The following TTN variants were observed in gnomAD, a reference collection of about 807,000 sequenced individuals.
TTN encodes titin.
In TTN, 1,525 loss-of-function variants were observed where a neutral mutation model predicts 3,223.0. That is an observed-to-expected ratio of 0.47 (90% confidence interval 0.45 to 0.49). The LOEUF (loss-of-function observed/expected upper bound fraction) is 0.49. TTN is among the 20% of genes least tolerant of loss of function. The pLI is 0.00. For missense variants in TTN, 40,786 were observed against 43,424.0 expected (o/e 0.94, Z 5.40); for synonymous variants, 14,094 against 15,161.0 (o/e 0.93, Z 5.17).
At position 178,571,873 on chromosome 2, in the gene TTN, A is replaced by T; in HGVS notation, c.74259T>A (p.Asn24753Lys). The change falls in exon 326 of 363, where the codon AAT (asparagine) becomes AAA (lysine). Residue 24753 changes from asparagine (N) to lysine (K), a missense_variant. By Grantham distance (94) the Asn-to-Lys change is moderately conservative. Transcript: ENST00000589042. ...PTPAVTWHKDNVPLKQTTRVN... is the reference protein window; with the variant it reads ...PTPAVTWHKDKVPLKQTTRVN... ...CTCTAGTTGTCTGCTTCAGTGGTAC[A>T]TTATCTTTATGCCAGGTTACAGCTG... The T allele has an allele frequency of 6.2e-7, 1 of 1,613,460 alleles. No homozygotes were observed. The highest frequency in any genetic ancestry group is 8.5e-7 in the Non-Finnish European group (1 of 1,179,590).
In TTN at chr2:178,722,904, A is replaced by T. The variant is rs369522109; in HGVS notation, c.21995T>A (p.Leu7332Gln). ...AACCGAATCTCCAACTGCTGCCTCC[A>T]GAGGTTCCAGTTCCGTAACAAAATA... ...PPYFVTELEP[L>Q]EAAVGDSVSL... is the part of the protein sequence containing the mutation. The change falls in exon 76 of 363, where the codon CTG becomes CAG. Residue 7332 changes from leucine to glutamine, a missense_variant. By Grantham distance (113) the Leu-to-Gln change is moderately radical. Transcript: ENST00000589042. The T allele has an allele frequency of 1.4e-5, 22 of 1,612,638 alleles. No homozygotes were observed. The African/African-American group carries it at 2.8e-4, about 21-fold the overall frequency.
intron 111 of TTN, among the ~76,000 whole-genome samples, chr2:178,699,635 T>G (rs2074521847): frequency 6.8e-6 from 1 of 147,182 alleles, no homozygotes; most frequent in Non-Finnish European, 1.5e-5. Flanking sequence ...ATGGTCTCGA[T>G]CTCCTGACCT....
At position 178,779,001 on chromosome 2, in the gene TTN, T is replaced by G. The variant is rs145308734; in HGVS notation, c.4081A>C (p.Ile1361Leu). The stretch of plus-strand genomic sequence containing the variant: ...ATATTGCTGGCAAATGCAGTGTAGA[T>G]TCCTTCATCTTCTGGAAGAACAACA... Reference protein sequence around the residue: ...IPVVLPEDEGIYTAFASNIKG... With the variant: ...IPVVLPEDEGLYTAFASNIKG... Residue 1361 changes from isoleucine to leucine, a missense_variant, in exon 24 of 363, where the codon ATC (isoleucine) becomes CTC (leucine). Transcript: ENST00000589042. The G allele has an allele frequency of 1.9e-4, 312 of 1,613,860 alleles. No individual in the cohort carries two copies. The highest frequency in any genetic ancestry group is 2.5e-4 in the Non-Finnish European group (290 of 1,179,952).
In TTN at chr2:178,579,662, T is replaced by C; in HGVS notation, c.67535A>G (p.Asp22512Gly). ...GGTATATTCCTTCCCTTCAGTCAAA[T>C]CTTTTGCAGAGTACTGTAGGCTTAA... Reference protein sequence around the residue: ...KSLSLQYSAKDLTEGKEYTFR... With the variant: ...KSLSLQYSAKGLTEGKEYTFR... The change falls in exon 319 of 363, where the codon GAT becomes GGT. Residue 22512 changes from aspartate (D) to glycine (G), a missense_variant. Transcript: ENST00000589042. 6.2e-7 allele frequency: 1 copy of C among 1,613,386 alleles called. No homozygotes were observed. Among genetic ancestry groups the C allele is most frequent in the Non-Finnish European group, 8.5e-7 (1 of 1,179,522 alleles).
At chr2:178,707,016 C>T (rs2075989221) in intron 100 of TTN, 62 bp from the exon 101 acceptor site, 3 of 1,431,518 alleles carry the variant, frequency 2.1e-6, no homozygotes, top group Admixed American at 2.2e-5. Flanking sequence ...ACATATCCCC[C>T]TTTGTAAAAT....
intron 47 of TTN, 110 bp from the exon 48 acceptor site, chr2:178,742,031 A>G (rs2154319502): frequency 1.2e-6 from 1 of 846,622 alleles, no homozygotes; most frequent in Admixed American, 3.8e-5. Flanking sequence ...TTATTCCTGG[A>G]ATGATTAGAT....
Position 178,746,726 on chromosome 2 carries a change from G to C in TTN, c.11312-4805C>G, listed in dbSNP as rs1032203679. 1.1e-5 allele frequency: 18 copies of C among 1,613,254 alleles called. No homozygotes were observed. Among genetic ancestry groups the C allele is most frequent in the Non-Finnish European group, 1.3e-5 (15 of 1,179,586 alleles). On this transcript the variant is annotated intron_variant, in intron 47 of 362. Transcript: ENST00000589042. ...TCTTTCCATTTTGATTCTTTCATCT[G>C]GCTCTAGTAAAGATTTATTTCGATA... is the stretch of plus-strand genomic sequence containing the variant.
At chr2:178,730,444 T>C (rs2080242155) in intron 61 of TTN, 61 bp downstream of exon 61, 2 of 1,553,128 alleles carry the variant, frequency 1.3e-6, no homozygotes, top group Middle Eastern at 1.7e-4. Flanking sequence ...AAGGTGAAAA[T>C]TTAGAAATGA....
In TTN at chr2:178,553,077, C is replaced by T; in HGVS notation, c.89823G>A (p.Gln29941=). ...CTGTGCCTCGAGAAACATGTTTAAC[C>T]TGTAGTTTCTGGCAGGCAGCTGGTG... ...LDTPAACQKL[Q]VKHVSRGTVT... is the part of the protein sequence containing the mutation. The change falls in exon 335 of 363, where the codon CAG becomes CAA. Residue 29941 remains glutamine (Q), a synonymous_variant. Coordinates refer to ENST00000589042, the MANE Select transcript of TTN (RefSeq NM_001267550.2). The T allele has an allele frequency of 1.2e-6, 2 of 1,611,558 alleles. No homozygotes were observed. The highest frequency in any genetic ancestry group is 1.3e-5 in the African/African-American group (1 of 74,974).
intron 135 of TTN, 32 bp downstream of exon 135, chr2:178,682,665 G>A (rs779950878): frequency 1.3e-6 from 2 of 1,563,366 alleles, no homozygotes; most frequent in East Asian, 2.3e-5. Context: ...CACATATTTA[G>A]TGTGGTTTTG....
intron 121 of TTN, among the ~76,000 whole-genome samples, chr2:178,691,757 G>A (rs1439933554): frequency 1.3e-5 from 2 of 152,124 alleles, no homozygotes; most frequent in Non-Finnish European, 2.9e-5. Context: ...CTCTAAAAGA[G>A]GGAAGATATT....
rs774284668 is a variant in TTN at position 178,553,325 on chromosome 2, C to G, written c.89575G>C (p.Val29859Leu). The G allele has an allele frequency of 5.6e-6, 9 of 1,604,544 alleles. No homozygotes were observed. The African/African-American group carries it at 1.1e-4, about 19-fold the overall frequency. ...GGTCTGCCTTTAAAGGGAATCAACA[C>G]TTGTACATCTTCACCAGCTTTGGCA... ...VIAKAGEDVQ[V>L]LIPFKGRPPP... is the part of the protein sequence containing the mutation. The change falls in exon 335 of 363, where the codon GTG becomes CTG. Residue 29859 changes from valine (V) to leucine (L), a missense_variant. Val to Leu is a conservative substitution (Grantham distance 32, BLOSUM62 1). Coordinates refer to ENST00000589042, the MANE Select transcript of TTN (RefSeq NM_001267550.2).
chr2:178,780,812 T>C lies in TTN; in HGVS notation c.3523+309A>G, dbSNP rs1005728647. Among the ~76,000 whole-genome samples, 12 of 152,358 alleles carry C rather than the reference T, an allele frequency of 7.9e-5. No homozygotes were observed. In the South Asian group the frequency reaches 2.3e-3, roughly 29 times the overall value. ...ACTCTCCAGTTTGCTACTGTTTTCATTGAGCTCACTGTTACCTGCCTGGGC... is the reference window on the plus strand; with the variant it reads ...ACTCTCCAGTTTGCTACTGTTTTCACTGAGCTCACTGTTACCTGCCTGGGC... On this transcript the variant is annotated intron_variant, in intron 21 of 362. Coordinates refer to ENST00000589042, the MANE Select transcript of TTN (RefSeq NM_001267550.2).
In TTN at chr2:178,576,622, T is replaced by C. The variant is rs1559463266; in HGVS notation, c.69622A>G (p.Ser23208Gly). Residue 23208 changes from serine (S) to glycine (G), a missense_variant, in exon 325 of 363, where the codon AGC becomes GGC. Transcript: ENST00000589042. The surrounding 1 kb of genome is among the most constrained non-coding windows in gnomAD (Gnocchi z 4.3). ...RCKVTGLQEG[S>G]TYEFRVSAEN... is the part of the protein sequence containing the mutation. The stretch of plus-strand genomic sequence containing the variant: ...GCACTGACACGGAATTCGTAGGTGC[T>C]TCCTTCTTGCAGTCCTGTTACTTTG... 2.5e-6 allele frequency: 4 copies of C among 1,613,588 alleles called. No homozygotes were observed. The highest frequency in any genetic ancestry group is 2.2e-5 in the South Asian group (2 of 91,066).
At chr2:178,670,321 T>C in intron 156 of TTN, 26 bp from the exon 157 acceptor site, 1 of 1,320,474 alleles carries the variant, frequency 7.6e-7, no homozygotes, top group Non-Finnish European at 9.9e-7. Context: ...TAATAATTTC[T>C]TTTATTTTTA....
At chr2:178,798,663 C>A (rs1021971829) in intron 6 of TTN, 1 of 152,098 alleles carries the variant, frequency 6.6e-6, no homozygotes, top group Non-Finnish European at 1.5e-5. Flanking sequence ...ACAACTGAAA[C>A]CTTAAATAAA....
At chr2:178,778,749 G>C in intron 24 of TTN, 125 bp downstream of exon 24, 1 of 1,353,212 alleles carries the variant, frequency 7.4e-7, no homozygotes, top group East Asian at 2.5e-5. Flanking sequence ...TGTTGGTGTT[G>C]CCAATGGTAA....
chr2:178,586,873 C>T, intron 307 of TTN, 66 bp from the exon 308 acceptor site: 1 of 1,567,422 alleles, frequency 6.4e-7, no homozygotes, highest in Non-Finnish European at 8.6e-7. Flanking sequence ...TGTTAATGTA[C>T]ATAAGAGTTT....
intron 90 of TTN, 95 bp from the exon 91 acceptor site, chr2:178,714,668 T>C (rs2077192366): frequency 1.5e-6 from 2 of 1,356,290 alleles, no homozygotes; most frequent in Admixed American, 5.4e-5. Flanking sequence ...CTAGTGATAA[T>C]GTGTTATTTC....
Sources: gnomAD v4.1 joint callset for allele counts (sites outside exome capture counted in the v4.1 genomes callset) on GRCh38, gnomAD v4.1.1 for gene constraint, Gnocchi (gnomAD v3.1) non-coding constraint, MANE v1.5 for transcripts, NCBI Gene and HGNC (gene_info 2026-07-23, HGNC 2026-07-21) for gene names.